PDE3A: variants seen among roughly 807,000 people sequenced by gnomAD.
The protein encoded by PDE3A is cGMP-inhibited 3',5'-cyclic phosphodiesterase 3A.
In PDE3A, 43 loss-of-function variants were observed where a neutral mutation model predicts 98.3. That is an observed-to-expected ratio of 0.44 (90% CI 0.34 to 0.56). PDE3A has a LOEUF of 0.56. Among genes scored for constraint, PDE3A ranks in the 20% least tolerant of loss-of-function variants. PDE3A has a pLI of 0.01. For missense variants in PDE3A, 1,427 were observed against 1,440.7 expected (o/e 0.99, Z 0.15); for synonymous variants, 663 against 567.9 (o/e 1.17, Z -2.38).
At chr12:20,581,262 G>A (rs918894290) in intron 2 of PDE3A, among the ~76,000 whole-genome samples, 1 of 152,208 alleles carries the variant, frequency 6.6e-6, no homozygotes, top group East Asian at 1.9e-4. Flanking sequence ...CCAAACAGAA[G>A]GCTTATTGCC....
rs1207094646 is a variant in PDE3A at position 20,668,331 on chromosome 12, C to G, written c.3185-11699C>G. ...AAACAAAGCAGCCAGGAAGCTCGAA[C>G]TGGGTGGAGCCCACCACAGCTCAAG... On this transcript the variant is annotated intron_variant, in intron 15 of 15. Transcript: ENST00000359062. Among the ~76,000 whole-genome samples, 272 of 152,318 alleles carry G rather than the reference C, an allele frequency of 1.8e-3. 1 individual carries two copies. The highest frequency in any genetic ancestry group is 5.8e-3 in the African/African-American group (241 of 41,578).
intron 1 of PDE3A, among the ~76,000 whole-genome samples, chr12:20,452,337 C>T (rs544210805): frequency 6.6e-6 from 1 of 151,890 alleles, no homozygotes; most frequent in East Asian, 1.9e-4. Context: ...AGTCATTTGT[C>T]TTAATGTGTA....
Position 20,380,542 on chromosome 12 carries a change from A to G in PDE3A, c.960+10298A>G, listed in dbSNP as rs73232468. Among the ~76,000 whole-genome samples, 639 of 152,024 alleles carry G rather than the reference A, an allele frequency of 4.2e-3. 3 individuals carry two copies. Among genetic ancestry groups the G allele is most frequent in the African/African-American group, 0.015 (606 of 41,544 alleles). ...TTTTAATACTTAGAGAAGATACAGT[A>G]TTGTTATATCCTCTCACTGAAATCA... On this transcript the variant is annotated intron_variant, in intron 1 of 15. Transcript: ENST00000359062.
At chr12:20,500,768 CT>C (rs61218707) in intron 1 of PDE3A, among the ~76,000 whole-genome samples, 33,492 of 133,124 alleles carry the variant, frequency 0.25, 3,965 homozygotes, top group East Asian at 0.48. Context: ...TTCTTTCTTT[CT>C]TTTTTTTTTT....
rs1943775384 is a variant in PDE3A, at chr12:20,386,100, AATATATATATAAATATATAT to A, written c.960+15858_960+15877del. Among the ~76,000 whole-genome samples the A allele has an allele frequency of 2.9e-4, 5 of 17,162 alleles. 1 individual carries two copies. The highest frequency in any genetic ancestry group is 7.7e-4 in the African/African-American group (5 of 6,514). The allele number at this position is 17,162 out of a possible 152,430, so 11.3% of individuals were successfully genotyped here. A position where few individuals can be genotyped will look rare whatever the true frequency, so the allele number is the denominator to read the frequency against. On this transcript the variant is annotated intron_variant, in intron 1 of 15. Coordinates refer to ENST00000359062, the MANE Select transcript of PDE3A (RefSeq NM_000921.5). ...ATATATAAATATATAAATATATATA[AATATATATATAAATATATAT>A]AAATATATATAAATATATATAAATA...
At chr12:20,417,490 A>G (rs6487086) in intron 1 of PDE3A, among the ~76,000 whole-genome samples, 94,088 of 152,088 alleles carry the variant, frequency 0.62, 30,855 homozygotes, top group East Asian at 0.88. Context: ...GTAGCACTTT[A>G]TAAATAAAAA....
chr12:20,646,086 T>A (rs1432589716), intron 10 of PDE3A, among the ~76,000 whole-genome samples: 1 of 152,236 alleles, frequency 6.6e-6, no homozygotes, highest in African/African-American at 2.4e-5. Flanking sequence ...AGATGAAATA[T>A]TATGTCTCAT....
At chr12:20,563,361 A>T in intron 2 of PDE3A, among the ~76,000 whole-genome samples, 1 of 152,166 alleles carries the variant, frequency 6.6e-6, no homozygotes, top group South Asian at 2.1e-4. Context: ...ATTCCTTTTA[A>T]TACATTTTGG....
chr12:20,611,692 T>C (rs1381317310), intron 2 of PDE3A, among the ~76,000 whole-genome samples: 1 of 151,930 alleles, frequency 6.6e-6, no homozygotes, highest in African/African-American at 2.4e-5. Context: ...AATTTATTCA[T>C]TACTTACAGG....
chr12:20,674,216 G>T (rs1011256785), intron 15 of PDE3A, among the ~76,000 whole-genome samples: 1 of 151,996 alleles, frequency 6.6e-6, no homozygotes, highest in African/African-American at 2.4e-5. Flanking sequence ...AGAGTTTTTT[G>T]ATGGAGTCTA....
chr12:20,643,499 C>G (rs1592141052), intron 10 of PDE3A, among the ~76,000 whole-genome samples: 1 of 152,116 alleles, frequency 6.6e-6, no homozygotes, highest in East Asian at 1.9e-4. Flanking sequence ...ATGTCACTGA[C>G]TGCTAACAGG....
chr12:20,504,338 A>G (rs1946076852), intron 1 of PDE3A, among the ~76,000 whole-genome samples: 1 of 150,258 alleles, frequency 6.7e-6, no homozygotes, highest in African/African-American at 2.4e-5. Flanking sequence ...TGAATGCTGG[A>G]GTCTGATACA....
intron 1 of PDE3A, among the ~76,000 whole-genome samples, chr12:20,379,613 T>C (rs1477386006): frequency 1.3e-5 from 2 of 151,750 alleles, no homozygotes; most frequent in Admixed American, 6.6e-5. Flanking sequence ...GGCTGGATGG[T>C]AGGAAAAATG....
At chr12:20,666,752 A>C (rs1339210352) in intron 15 of PDE3A, among the ~76,000 whole-genome samples, 1 of 152,160 alleles carries the variant, frequency 6.6e-6, no homozygotes, top group Non-Finnish European at 1.5e-5. Flanking sequence ...GGGTGCAATT[A>C]TCTTTTTAAT....
intron 2 of PDE3A, among the ~76,000 whole-genome samples, chr12:20,604,850 C>T (rs983911638): frequency 6.6e-6 from 1 of 152,114 alleles, no homozygotes; most frequent in Non-Finnish European, 1.5e-5. Context: ...TTCAGGTTGC[C>T]GTTCTTACTT....
chr12:20,540,171 A>G (rs1042878610), intron 1 of PDE3A, among the ~76,000 whole-genome samples: 2 of 152,166 alleles, frequency 1.3e-5, no homozygotes, highest in Non-Finnish European at 2.9e-5. Context: ...TATGAATTGA[A>G]TACATAGCAC....
chr12:20,457,414 A>T (rs1945171147), intron 1 of PDE3A, among the ~76,000 whole-genome samples: 1 of 151,888 alleles, frequency 6.6e-6, no homozygotes, highest in African/African-American at 2.4e-5. Flanking sequence ...GGATGAAACA[A>T]GGCGTATATG....
At position 20,621,328 on chromosome 12, in the gene PDE3A, C is replaced by T. The variant is rs1944131213; in HGVS notation, c.1457C>T (p.Thr486Ile). 1.2e-6 allele frequency: 2 copies of T among 1,607,122 alleles called. No individual in the cohort carries two copies. The change falls in exon 5 of 16, where the codon ACC becomes ATC. Residue 486 changes from threonine (T) to isoleucine (I), a missense_variant. Thr to Ile is a moderately conservative substitution (Grantham distance 89). This residue lies in a region of PDE3A where 1,012 missense variants were observed against 886.5 expected (regional missense o/e 1.14). Transcript: ENST00000359062. The stretch of plus-strand genomic sequence containing the variant: ...TCTTGGAATAATCCAGTGATGATGA[C>T]CCTCACCAAAAGCAGATCCTTTACT... ...PDSWNNPVMMTLTKSRSFTSS... is the reference protein window; with the variant it reads ...PDSWNNPVMMILTKSRSFTSS...
chr12:20,673,069 C>A (rs999984381), intron 15 of PDE3A, among the ~76,000 whole-genome samples: 14 of 151,350 alleles, frequency 9.3e-5, no homozygotes, highest in African/African-American at 3.4e-4. Context: ...CAAAAGAAGA[C>A]ATTTATGCAG....
Sources: gnomAD v4.1 joint callset for allele counts (sites outside exome capture counted in the v4.1 genomes callset) on GRCh38, gnomAD v4.1.1 for gene constraint, gnomAD v4.1.1 regional missense constraint, MANE v1.5 for transcripts, NCBI Gene and HGNC (gene_info 2026-07-23, HGNC 2026-07-21) for gene names.